STAB1: variants seen among roughly 807,000 people sequenced by gnomAD.
STAB1 encodes the protein stabilin-1.
A neutral mutation model predicts 332.4 loss-of-function variants in STAB1; 250 were observed. The ratio of observed to expected loss-of-function variants is 0.75; its 90% CI spans 0.68 to 0.84. The LOEUF is 0.84. Among genes scored for constraint, STAB1 ranks in the 40% least tolerant of loss-of-function variants. The pLI is 0.00. For missense variants in STAB1, 3,249 were observed against 3,489.7 expected (o/e 0.93, Z 1.74); for synonymous variants, 1,475 against 1,390.4 (o/e 1.06, Z -1.35).
chr3:52,521,523 T>C lies in STAB1; in HGVS notation c.6058+13T>C. 6.2e-7 allele frequency: 1 copy of C among 1,613,928 alleles called. No homozygotes were observed. The highest frequency in any genetic ancestry group is 1.7e-5 in the Admixed American group (1 of 60,014). On this transcript the variant is annotated intron_variant, in intron 56 of 68. Coordinates refer to ENST00000321725, the MANE Select transcript of STAB1 (RefSeq NM_015136.3). ...CCCCATTGTCAAGGTGGGCCATCCC[T>C]GCCTGCCCCACGGCCCGATTCCTTT...
intron 5 of STAB1, 24 bp downstream of exon 5, chr3:52,502,252 G>A (rs1005984974): frequency 6.2e-7 from 1 of 1,604,802 alleles, no homozygotes; most frequent in Non-Finnish European, 8.5e-7. Context: ...AGGCAAGAGG[G>A]CACGGCCAGC....
intron 3 of STAB1, 81 bp downstream of exon 3, chr3:52,501,834 A>G (rs1708470451): frequency 2.1e-6 from 3 of 1,406,834 alleles, no homozygotes; most frequent in Non-Finnish European, 2.9e-6. Context: ...AGCCACCTGC[A>G]TTCCCCTTCA....
chr3:52,507,538 G>T, intron 18 of STAB1, 75 bp from the exon 19 acceptor site: 1 of 1,472,972 alleles, frequency 6.8e-7, no homozygotes, highest in Non-Finnish European at 9.3e-7. Flanking sequence ...CCCACTCAAT[G>T]TTCCCTTCTC....
Position 52,520,418 on chromosome 3 carries a change from G to A in STAB1, c.5518G>A (p.Glu1840Lys), listed in dbSNP as rs369383998. 6 of 1,612,010 alleles carry A rather than the reference G, an allele frequency of 3.7e-6. No homozygotes were observed. Among genetic ancestry groups the A allele is most frequent in the South Asian group, 1.1e-5 (1 of 91,082 alleles). ...CTTGCAGGGTGAGCTCATGGTGGGT[G>A]AGGATGATGCTCGCATTGTGCAGCG... is the stretch of plus-strand genomic sequence containing the variant. ...RTRAGELMVG[E>K]DDARIVQRHL... is the part of the protein sequence containing the mutation. The change falls in exon 53 of 69, where the codon GAG becomes AAG. Residue 1840 changes from glutamate (E) to lysine (K), a missense_variant. Transcript: ENST00000321725.
intron 30 of STAB1, 72 bp from the exon 31 acceptor site, chr3:52,513,645 C>G (rs762667191): frequency 3.4e-6 from 5 of 1,485,838 alleles, no homozygotes; most frequent in Non-Finnish European, 4.6e-6. Context: ...GGCAGTCTCT[C>G]TGTTGGGGCT....
chr3:52,501,304 T>A lies in STAB1; in HGVS notation c.215+2T>A. On this transcript the variant is annotated splice_donor_variant, in intron 2 of 68. Transcript: ENST00000321725. LOFTEE classifies it high-confidence loss of function. Reference sequence around the variant, plus strand: ...GGATCAGATAACCCAGGACTGCCGGTGCGGGCCACCCCTGTCCTTGCCTGT... The same window carrying A: ...GGATCAGATAACCCAGGACTGCCGGAGCGGGCCACCCCTGTCCTTGCCTGT... 2 of 1,612,760 alleles carry A rather than the reference T, an allele frequency of 1.2e-6. No homozygotes were observed. The highest frequency in any genetic ancestry group is 1.7e-6 in the Non-Finnish European group (2 of 1,179,694).
Position 52,517,572 on chromosome 3 carries a change from G to T in STAB1, c.4586G>T (p.Gly1529Val). 6.2e-7 allele frequency: 1 copy of T among 1,612,918 alleles called. No individual in the cohort carries two copies. Among genetic ancestry groups the T allele is most frequent in the Non-Finnish European group, 8.5e-7 (1 of 1,179,900 alleles). ...PQQVSCSCRE[G>V]YSGDGIRTCE... is the part of the protein sequence containing the mutation. ...CAGGTCTCCTGCAGCTGCCGTGAGG[G>T]TTACAGCGGGGATGGCATCCGGACC... is the stretch of plus-strand genomic sequence containing the variant. Residue 1529 changes from glycine (G) to valine (V), a missense_variant, in exon 44 of 69, where the codon GGT becomes GTT. Physicochemically the swap from Gly to Val is moderately radical, Grantham distance 109. Transcript: ENST00000321725.
rs1218963866 is a variant in STAB1 at position 52,521,932 on chromosome 3, G to A, written c.6252G>A (p.Gly2084=). 6.2e-7 allele frequency: 1 copy of A among 1,609,276 alleles called. No homozygotes were observed. Reference sequence around the variant, plus strand: ...GTGAGTGCAGCCTGGGCTATGAAGGGGATGGCCGTGTGTGTACAGGTAAGC... The same window carrying A: ...GTGAGTGCAGCCTGGGCTATGAAGGAGATGGCCGTGTGTGTACAGGTAAGC... The part of the protein sequence containing the change: ...NSCECSLGYE[G]DGRVCTVADL... The change falls in exon 58 of 69, where the codon GGG becomes GGA. Residue 2084 remains glycine (G), a synonymous_variant. Transcript: ENST00000321725.
chr3:52,517,116 C>T lies in STAB1; in HGVS notation c.4489+7C>T, dbSNP rs1324759341. ...GACGGGGAGCTGTGCCAGGGTGAGA[C>T]TAGGCCCCTAACCTGGGTTTATGTT... On this transcript the variant is annotated splice_region_variant and intron_variant, in intron 42 of 68. Transcript: ENST00000321725. 5.2e-6 allele frequency: 8 copies of T among 1,535,050 alleles called. No individual in the cohort carries two copies. The highest frequency in any genetic ancestry group is 7.0e-6 in the Non-Finnish European group (8 of 1,142,404).
intron 43 of STAB1, 31 bp downstream of exon 43, chr3:52,517,424 C>A (rs758459633): frequency 6.3e-7 from 1 of 1,580,930 alleles, no homozygotes. Context: ...CATGGGGCAT[C>A]ATGCCATGCC....
chr3:52,506,164 C>A lies in STAB1; in HGVS notation c.1750-6C>A, dbSNP rs759998787. On this transcript the variant is annotated splice_polypyrimidine_tract_variant and splice_region_variant and intron_variant, in intron 16 of 68. Transcript: ENST00000321725. ...CAGCCTAAAGCCACACTGTCCCTTG[C>A]CCCAGCTGACCGTTGAGAAGCTCAT... is the stretch of plus-strand genomic sequence containing the variant. The A allele has an allele frequency of 6.2e-6, 10 of 1,609,494 alleles. No homozygotes were observed. The highest frequency in any genetic ancestry group is 3.3e-4 in the Middle Eastern group (2 of 6,082).
chr3:52,516,746 C>T lies in STAB1; in HGVS notation c.4341C>T (p.Ser1447=), dbSNP rs150942889. The stretch of plus-strand genomic sequence containing the variant: ...CCTGCGCCTGTGCTGCGGGATACTC[C>T]GGCAATGGCATCTTCTGTTCAGGTC... ...ASTCACAAGY[S]GNGIFCSEVD... The change falls in exon 41 of 69, where the codon TCC becomes TCT. Residue 1447 remains serine (S), a synonymous_variant. Transcript: ENST00000321725. 5.2e-4 allele frequency: 845 copies of T among 1,610,760 alleles called. 4 individuals carry two copies. The African/African-American group carries it at 8.5e-3, about 16-fold the overall frequency.
In STAB1 at chr3:52,516,224, C is replaced by T. The variant is rs937478354; in HGVS notation, c.4130C>T (p.Pro1377Leu). Reference protein sequence around the residue: ...CEVCELGRYGPNCTGVCDCAH... With the variant: ...CEVCELGRYGLNCTGVCDCAH... ...GTGTGTGAGCTGGGCCGCTACGGGC[C>T]CAACTGCACCGGAGGTGAGGACTGG... Residue 1377 changes from proline (P) to leucine (L), a missense_variant, in exon 38 of 69, where the codon CCC becomes CTC. Coordinates refer to ENST00000321725, the MANE Select transcript of STAB1 (RefSeq NM_015136.3). 3.1e-6 allele frequency: 5 copies of T among 1,611,828 alleles called. No homozygotes were observed. Among genetic ancestry groups the T allele is most frequent in the African/African-American group, 1.3e-5 (1 of 74,832 alleles).
Position 52,495,431 on chromosome 3 carries a change from C to G in STAB1, c.18C>G (p.Gly6=). The change falls in exon 1 of 69, where the codon GGC becomes GGG. Residue 6 remains glycine (G), a synonymous_variant. Transcript: ENST00000321725. ...CACCAGCCATGGCGGGGCCCCGGGG[C>G]CTCCTCCCACTCTGCCTCCTGGCCT... is the stretch of plus-strand genomic sequence containing the variant. MAGPR[G]LLPLCLLAFC... 1 of 1,340,196 alleles carries G rather than the reference C, an allele frequency of 7.5e-7. No individual in the cohort carries two copies. Among genetic ancestry groups the G allele is most frequent in the Non-Finnish European group, 9.6e-7 (1 of 1,039,094 alleles). 83.0% of individuals were successfully genotyped at this position (1,340,196 alleles called of 1,614,324 possible).
At chr3:52,507,010 C>T (rs376914186) in intron 18 of STAB1, among the ~76,000 whole-genome samples, 160 bp downstream of exon 18, 5 of 152,352 alleles carry the variant, frequency 3.3e-5, no homozygotes, top group East Asian at 1.9e-4. Context: ...GCTTCCCCCA[C>T]GCTCACCCTC....
chr3:52,522,439 A>G lies in STAB1; in HGVS notation c.6575A>G (p.His2192Arg). The G allele has an allele frequency of 6.2e-7, 1 of 1,613,052 alleles. No individual in the cohort carries two copies. Among genetic ancestry groups the G allele is most frequent in the Non-Finnish European group, 8.5e-7 (1 of 1,180,002 alleles). Residue 2192 changes from histidine (H) to arginine (R), a missense_variant, in exon 60 of 69, where the codon CAC (histidine) becomes CGC (arginine). Physicochemically the swap from His to Arg is conservative, Grantham distance 29. Transcript: ENST00000321725. ...DRCLGQPPPC[H>R]SDAMCTDLHF... ...TGCTTGGGCCAGCCACCGCCCTGCC[A>G]CTCAGATGCCATGTGCACTGACCTG...
intron 1 of STAB1, among the ~76,000 whole-genome samples, chr3:52,499,391 G>A (rs955018091): frequency 1.7e-4 from 26 of 152,222 alleles, no homozygotes; most frequent in Admixed American, 2.0e-4. Context: ...ATGCCGTGGT[G>A]GCAGGCTGGA....
chr3:52,523,091 T>C lies in STAB1; in HGVS notation c.6977T>C (p.Leu2326Pro), dbSNP rs760884291. 1 of 1,573,562 alleles carries C rather than the reference T, an allele frequency of 6.4e-7. No individual in the cohort carries two copies. Among genetic ancestry groups the C allele is most frequent in the African/African-American group, 1.3e-5 (1 of 74,344 alleles). The stretch of plus-strand genomic sequence containing the variant: ...ATCAGCACGTGCAATGGGAAGCTGC[T>C]GGATGTGCTGGCTGCCACTGCCAAC... ...DGISTCNGKLLDVLAATANFS... is the reference protein window; with the variant it reads ...DGISTCNGKLPDVLAATANFS... The change falls in exon 63 of 69, where the codon CTG (leucine) becomes CCG (proline). Residue 2326 changes from leucine (L) to proline (P), a missense_variant. Coordinates refer to ENST00000321725, the MANE Select transcript of STAB1 (RefSeq NM_015136.3).
chr3:52,507,696 C>G (rs773723627), intron 19 of STAB1, 21 bp downstream of exon 19: 3 of 1,613,226 alleles, frequency 1.9e-6, no homozygotes, highest in Admixed American at 3.3e-5. Flanking sequence ...CTTGGCCCAG[C>G]TCTCAGGGCC....
Sources: gnomAD v4.1 joint callset for allele counts (sites outside exome capture counted in the v4.1 genomes callset) on GRCh38, gnomAD v4.1.1 for gene constraint, MANE v1.5 for transcripts, NCBI Gene and HGNC (gene_info 2026-07-23, HGNC 2026-07-21) for gene names.